Variants in TPTE observed in about 807,000 individuals in gnomAD.
TPTE encodes transmembrane phosphatase with tensin homology.
TPTE carries 59 observed loss-of-function variants against 84.1 expected under a neutral mutation model. That is an observed-to-expected ratio of 0.70 (90% CI 0.57 to 0.87). TPTE has a LOEUF of 0.87. Ranked by LOEUF, TPTE falls within the 40% of genes least tolerant of loss-of-function variation. The pLI, the probability that TPTE is intolerant of heterozygous loss-of-function variation, is 0.00. For synonymous variants in TPTE, 130 were observed against 223.5 expected (o/e 0.58, Z 3.73); for missense variants, 382 against 659.6 (o/e 0.58, Z 4.61).
At chr21:10,521,889 G>A (rs536942721) in intron 1 of TPTE, among the ~76,000 whole-genome samples, 195 bp downstream of exon 1, 2 of 152,392 alleles carry the variant, frequency 1.3e-5, no homozygotes, top group Admixed American at 1.3e-4. Flanking sequence ...AAAAGGCCGA[G>A]AAAAACTCCG....
At chr21:10,587,181 T>A (rs1172959272) in intron 17 of TPTE, among the ~76,000 whole-genome samples, 1 of 152,298 alleles carries the variant, frequency 6.6e-6, no homozygotes, top group Admixed American at 6.5e-5. Flanking sequence ...TGTTTTTTAA[T>A]AGGCAAAAGA....
At chr21:10,562,343 C>T in intron 10 of TPTE, among the ~76,000 whole-genome samples, 1 of 152,298 alleles carries the variant, frequency 6.6e-6, no homozygotes, top group Non-Finnish European at 1.5e-5. Context: ...TCTTCAATGC[C>T]CAGACACCAA....
intron 17 of TPTE, among the ~76,000 whole-genome samples, chr21:10,589,897 T>A (rs2075434822): frequency 6.6e-6 from 1 of 152,312 alleles, no homozygotes; most frequent in South Asian, 2.1e-4. Flanking sequence ...TATTTCCAAA[T>A]GACTGAGGCA....
intron 17 of TPTE, among the ~76,000 whole-genome samples, chr21:10,587,642 C>G (rs2075390703): frequency 6.6e-6 from 1 of 152,308 alleles, no homozygotes; most frequent in East Asian, 1.9e-4. Flanking sequence ...CTCCACCTCC[C>G]AGGTTCAAGT....
At chr21:10,600,060 C>A (rs113215150) in intron 21 of TPTE, among the ~76,000 whole-genome samples, 1 of 152,306 alleles carries the variant, frequency 6.6e-6, no homozygotes, top group Non-Finnish European at 1.5e-5. Flanking sequence ...CCACCTCAGC[C>A]TCACAAGATG....
chr21:10,534,781 C>CT (rs1256406583), intron 3 of TPTE, among the ~76,000 whole-genome samples: 2 of 152,300 alleles, frequency 1.3e-5, no homozygotes, highest in African/African-American at 4.8e-5. Flanking sequence ...ACATCCTTTT[C>CT]TTTTTGGGTC....
chr21:10,538,983 A>G (rs976675975), intron 4 of TPTE, among the ~76,000 whole-genome samples: 2 of 152,310 alleles, frequency 1.3e-5, no homozygotes, highest in African/African-American at 4.8e-5. Context: ...GGTTTTTAAC[A>G]GGATTTCCAA....
At chr21:10,534,819 A>C (rs2074239763) in intron 3 of TPTE, among the ~76,000 whole-genome samples, 1 of 152,306 alleles carries the variant, frequency 6.6e-6, no homozygotes. Flanking sequence ...AGTAGATCAC[A>C]AGAAGTCTAC....
intron 14 of TPTE, among the ~76,000 whole-genome samples, chr21:10,573,912 A>G (rs1183359860): frequency 1.3e-5 from 2 of 152,428 alleles, no homozygotes; most frequent in Non-Finnish European, 2.9e-5. Flanking sequence ...TCAAAATTAT[A>G]TATTAATTCT....
At chr21:10,575,724 G>C (rs1242783463) in intron 14 of TPTE, among the ~76,000 whole-genome samples, 50 of 152,300 alleles carry the variant, frequency 3.3e-4, no homozygotes, top group Non-Finnish European at 1.5e-4. Context: ...GAGTCTATGA[G>C]GAACTTAAAT....
chr21:10,583,098 A>G (rs2075299132), intron 17 of TPTE, among the ~76,000 whole-genome samples: 1 of 152,312 alleles, frequency 6.6e-6, no homozygotes, highest in African/African-American at 2.4e-5. Flanking sequence ...TGTTGAATGT[A>G]TACCTCAGAA....
chr21:10,589,918 A>G (rs1309033565), intron 17 of TPTE, among the ~76,000 whole-genome samples: 1 of 152,312 alleles, frequency 6.6e-6, no homozygotes, highest in Non-Finnish European at 1.5e-5. Flanking sequence ...GGCATGCTAA[A>G]AGCCTGTAAT....
chr21:10,578,646 A>C (rs769150366), intron 17 of TPTE, 41 bp downstream of exon 17: 1 of 1,611,786 alleles, frequency 6.2e-7, no homozygotes, highest in South Asian at 1.1e-5. Context: ...TTCTAAAGAC[A>C]TGTAAATATA....
intron 18 of TPTE, among the ~76,000 whole-genome samples, chr21:10,591,086 T>G (rs1213612934): frequency 6.6e-6 from 1 of 152,308 alleles, no homozygotes; most frequent in Admixed American, 6.5e-5. Flanking sequence ...AACTCTTAGG[T>G]AGATAAAAAG....
At chr21:10,579,179 A>C (rs1372984908) in intron 17 of TPTE, among the ~76,000 whole-genome samples, 6 of 152,290 alleles carry the variant, frequency 3.9e-5, no homozygotes, top group African/African-American at 1.4e-4. Context: ...TTGTACAATA[A>C]ATTTCCTGAA....
At chr21:10,545,999 A>T (rs949523555) in intron 7 of TPTE, among the ~76,000 whole-genome samples, 2 of 152,224 alleles carry the variant, frequency 1.3e-5, no homozygotes, top group Non-Finnish European at 2.9e-5. Flanking sequence ...ATATATACAT[A>T]TATGTGTGTG....
At chr21:10,533,396 A>G (rs1435150636) in intron 3 of TPTE, among the ~76,000 whole-genome samples, 6 of 152,298 alleles carry the variant, frequency 3.9e-5, no homozygotes, top group African/African-American at 1.4e-4. Context: ...AATCTTGGTC[A>G]GTGTGTTCCA....
intron 4 of TPTE, among the ~76,000 whole-genome samples, chr21:10,539,161 C>T (rs1189036572): frequency 6.6e-6 from 1 of 152,310 alleles, no homozygotes; most frequent in African/African-American, 2.4e-5. Context: ...AGTTTGAGAG[C>T]CTACCAGATT....
intron 2 of TPTE, among the ~76,000 whole-genome samples, chr21:10,525,110 G>C (rs377463539): frequency 6.6e-6 from 1 of 152,428 alleles, no homozygotes; most frequent in Admixed American, 6.5e-5. Flanking sequence ...ACTCCACAGA[G>C]ATGGCCACCA....
Sources: gnomAD v4.1 joint callset for allele counts (sites outside exome capture counted in the v4.1 genomes callset) on GRCh38, gnomAD v4.1.1 for gene constraint, MANE v1.5 for transcripts, NCBI Gene and HGNC (gene_info 2026-07-23, HGNC 2026-07-21) for gene names.